Variants in PARD3B observed in about 807,000 individuals in gnomAD.
The protein encoded by PARD3B is partitioning defective 3 homolog B.
A neutral mutation model predicts 130.2 loss-of-function variants in PARD3B; 103 were observed. That is an observed-to-expected ratio of 0.79 (90% CI 0.67 to 0.93). The LOEUF (loss-of-function observed/expected upper bound fraction) is 0.93. PARD3B is among the 40% of genes least tolerant of loss of function. The pLI, the probability that PARD3B is intolerant of heterozygous loss-of-function variation, is 0.00. For synonymous variants in PARD3B, 583 were observed against 553.2 expected (o/e 1.05, Z -0.76); for missense variants, 1,609 against 1,499.2 (o/e 1.07, Z -1.21).
At chr2:205,493,948 A>T (rs765156813) in intron 20 of PARD3B, among the ~76,000 whole-genome samples, 4 of 151,658 alleles carry the variant, frequency 2.6e-5, no homozygotes, top group Non-Finnish European at 4.4e-5. Flanking sequence ...TTTAGTAGAG[A>T]TGGGGTTTCA....
At chr2:204,554,789 A>G (rs909668761) in intron 1 of PARD3B, among the ~76,000 whole-genome samples, 1 of 152,260 alleles carries the variant, frequency 6.6e-6, no homozygotes, top group East Asian at 1.9e-4. Context: ...GAAGTGCTAC[A>G]TGATCTGACT....
chr2:205,348,065 A>G (rs2043859351), intron 18 of PARD3B: 1 of 152,250 alleles, frequency 6.6e-6, no homozygotes. Context: ...CACTGGGCAG[A>G]AAACAGCCAG....
intron 1 of PARD3B, among the ~76,000 whole-genome samples, chr2:204,658,254 G>C (rs2035699450): frequency 1.3e-5 from 2 of 152,066 alleles, no homozygotes; most frequent in South Asian, 4.2e-4. Flanking sequence ...TTGCCCAAGG[G>C]AACAGGTGGA....
At chr2:205,150,300 A>G (rs551567389) in intron 10 of PARD3B, among the ~76,000 whole-genome samples, 2 of 151,188 alleles carry the variant, frequency 1.3e-5, no homozygotes, top group Non-Finnish European at 2.9e-5. Flanking sequence ...TGCCTGAAAG[A>G]TGGAAACCAG....
intron 22 of PARD3B, among the ~76,000 whole-genome samples, chr2:205,577,180 AG>A (rs2053792541): frequency 6.6e-6 from 1 of 152,066 alleles, no homozygotes. Context: ...TAATTCCAGG[AG>A]GGTTTTTTGT....
intron 22 of PARD3B, among the ~76,000 whole-genome samples, chr2:205,586,353 C>T (rs2054195925): frequency 6.6e-6 from 1 of 152,188 alleles, no homozygotes; most frequent in African/African-American, 2.4e-5. Context: ...TGGACTGCAG[C>T]TCAACCTAAT....
chr2:205,009,735 A>G (rs187658825), intron 3 of PARD3B, among the ~76,000 whole-genome samples: 25 of 151,232 alleles, frequency 1.7e-4, no homozygotes, highest in Non-Finnish European at 3.4e-4. Context: ...GTTTTTAGTT[A>G]TGGGTCATAG....
At chr2:204,710,470 A>G (rs2125297812) in intron 2 of PARD3B, among the ~76,000 whole-genome samples, 1 of 152,344 alleles carries the variant, frequency 6.6e-6, no homozygotes, top group Non-Finnish European at 1.5e-5. Context: ...TAGGTTTTTA[A>G]GAGCTGGACT....
intron 1 of PARD3B, among the ~76,000 whole-genome samples, chr2:204,579,619 C>T (rs1409522759): frequency 1.3e-5 from 2 of 152,166 alleles, no homozygotes; most frequent in Non-Finnish European, 1.5e-5. Flanking sequence ...GACAGTGTAA[C>T]TAGAGAGTAA....
At chr2:205,057,970 G>A (rs1699838791) in intron 4 of PARD3B, among the ~76,000 whole-genome samples, 1 of 151,452 alleles carries the variant, frequency 6.6e-6, no homozygotes, top group South Asian at 2.1e-4. Flanking sequence ...CATGGTATAA[G>A]TACATTCACA....
At chr2:204,938,884 T>A (rs1688670182) in intron 2 of PARD3B, among the ~76,000 whole-genome samples, 1 of 152,164 alleles carries the variant, frequency 6.6e-6, no homozygotes, top group Non-Finnish European at 1.5e-5. Context: ...AGTACATATA[T>A]CTGGATGAAT....
intron 2 of PARD3B, among the ~76,000 whole-genome samples, chr2:204,721,913 A>C (rs994524306): frequency 1.3e-5 from 2 of 152,110 alleles, no homozygotes; most frequent in Non-Finnish European, 2.9e-5. Context: ...TCTCCAGTTT[A>C]TTAAGAACTA....
chr2:205,499,608 G>C (rs1270379341), intron 20 of PARD3B, among the ~76,000 whole-genome samples: 1 of 152,082 alleles, frequency 6.6e-6, no homozygotes, highest in Non-Finnish European at 1.5e-5. Context: ...AGAAAAAAGT[G>C]GTGGGCCTTT....
chr2:204,599,934 T>G (rs553580140), intron 1 of PARD3B, among the ~76,000 whole-genome samples: 24 of 152,102 alleles, frequency 1.6e-4, no homozygotes, highest in African/African-American at 5.5e-4. Flanking sequence ...ATTTCCCTCA[T>G]GAGTAGGATG....
chr2:204,694,636 A>G (rs1277799183), intron 2 of PARD3B, among the ~76,000 whole-genome samples: 1 of 152,088 alleles, frequency 6.6e-6, no homozygotes, highest in African/African-American at 2.4e-5. Flanking sequence ...TTTCAACCTC[A>G]GAGAAGAATT....
At chr2:205,477,789 A>G (rs1264631369) in intron 20 of PARD3B, among the ~76,000 whole-genome samples, 1 of 152,234 alleles carries the variant, frequency 6.6e-6, no homozygotes, top group Admixed American at 6.5e-5. Flanking sequence ...CAAGAAGGTG[A>G]GAGTGTTTGT....
At chr2:205,065,315 A>C (rs1700300990) in intron 4 of PARD3B, among the ~76,000 whole-genome samples, 1 of 152,232 alleles carries the variant, frequency 6.6e-6, no homozygotes, top group South Asian at 2.1e-4. Flanking sequence ...GAAATTGTGA[A>C]GTTGTAAAAA....
At chr2:205,056,047 C>T (rs1021125185) in intron 4 of PARD3B, among the ~76,000 whole-genome samples, 1 of 151,976 alleles carries the variant, frequency 6.6e-6, no homozygotes, top group African/African-American at 2.4e-5. Context: ...TCTGTATGTA[C>T]CTTCCAAATT....
chr2:205,088,358 T>A (rs1701869368), intron 4 of PARD3B, among the ~76,000 whole-genome samples: 2 of 152,332 alleles, frequency 1.3e-5, no homozygotes, highest in Admixed American at 6.5e-5. Context: ...CATTGAGGAT[T>A]GAATTATTCA....
Sources: allele counts gnomAD v4.1 joint callset (sites outside exome capture counted in the v4.1 genomes callset), GRCh38; gene constraint gnomAD v4.1.1; transcripts MANE v1.5; gene names NCBI Gene and HGNC (gene_info 2026-07-23, HGNC 2026-07-21).